The following PRDM2 variants were observed in gnomAD, a reference collection of about 807,000 sequenced individuals.
The protein encoded by PRDM2 is PR domain zinc finger protein 2.
In PRDM2, 30 loss-of-function variants were observed where a neutral mutation model predicts 130.0. That is an observed-to-expected ratio of 0.23 (90% CI 0.17 to 0.31). The LOEUF is 0.31. Among genes scored for constraint, PRDM2 ranks in the 10% least tolerant of loss-of-function variants. The pLI is 1.00. For missense variants in PRDM2, 2,011 were observed against 2,108.4 expected (o/e 0.95, Z 0.90); for synonymous variants, 871 against 782.4 (o/e 1.11, Z -1.89).
At chr1:13,762,468 G>T (rs980500172) in intron 6 of PRDM2, among the ~76,000 whole-genome samples, 6 of 152,212 alleles carry the variant, frequency 3.9e-5, no homozygotes, top group African/African-American at 1.2e-4. Flanking sequence ...ACAGGAACCT[G>T]CTGGGAGCAG....
intron 8 of PRDM2, among the ~76,000 whole-genome samples, chr1:13,814,777 G>T (rs1431904426): frequency 6.6e-6 from 1 of 152,232 alleles, no homozygotes; most frequent in African/African-American, 2.4e-5. Flanking sequence ...CCCGCAGGCA[G>T]AGCTGGCTCT....
At chr1:13,814,976 G>C (rs1207414355) in intron 8 of PRDM2, among the ~76,000 whole-genome samples, 1 of 152,192 alleles carries the variant, frequency 6.6e-6, no homozygotes, top group Admixed American at 6.5e-5. Context: ...GTAAATTAGG[G>C]ATAATAACAG....
At chr1:13,765,942 T>C (rs1644216650) in intron 6 of PRDM2, among the ~76,000 whole-genome samples, 1 of 152,216 alleles carries the variant, frequency 6.6e-6, no homozygotes, top group South Asian at 2.1e-4. Flanking sequence ...AACTCTAACT[T>C]TACTCCAAAC....
At chr1:13,811,900 G>A (rs1645178746) in intron 8 of PRDM2, among the ~76,000 whole-genome samples, 1 of 152,248 alleles carries the variant, frequency 6.6e-6, no homozygotes, top group South Asian at 2.1e-4. Flanking sequence ...GTGGGCAGAG[G>A]AGGGCAGGGC....
intron 6 of PRDM2, among the ~76,000 whole-genome samples, chr1:13,753,952 G>A (rs1193442034): frequency 6.6e-6 from 1 of 152,182 alleles, no homozygotes; most frequent in African/African-American, 2.4e-5. Flanking sequence ...TGTTCACATG[G>A]AATCACATTC....
intron 6 of PRDM2, among the ~76,000 whole-genome samples, chr1:13,769,882 C>T (rs1258978381): frequency 8.5e-5 from 13 of 152,056 alleles, no homozygotes; most frequent in Non-Finnish European, 8.8e-5. Flanking sequence ...AATCTTCTCC[C>T]CAGGGGACAT....
At chr1:13,802,316 C>G (rs1401064777) in intron 8 of PRDM2, among the ~76,000 whole-genome samples, 2 of 152,216 alleles carry the variant, frequency 1.3e-5, no homozygotes, top group Non-Finnish European at 2.9e-5. Context: ...CCTCCCAAGA[C>G]AAGCTGGTTT....
At chr1:13,750,483 C>T (rs981449964) in intron 6 of PRDM2, among the ~76,000 whole-genome samples, 8 of 151,592 alleles carry the variant, frequency 5.3e-5, no homozygotes, top group African/African-American at 1.9e-4. Context: ...CAGAACATTG[C>T]AAAGTGAGTT....
intron 2 of PRDM2, among the ~76,000 whole-genome samples, chr1:13,725,987 C>A (rs929131224): frequency 6.6e-6 from 1 of 152,148 alleles, no homozygotes; most frequent in African/African-American, 2.4e-5. Context: ...GAATCCAGAC[C>A]CTGAAGCGAG....
chr1:13,814,779 G>C (rs1645230927), intron 8 of PRDM2, among the ~76,000 whole-genome samples: 1 of 152,212 alleles, frequency 6.6e-6, no homozygotes, highest in Non-Finnish European at 1.5e-5. Flanking sequence ...CGCAGGCAGA[G>C]CTGGCTCTGC....
At position 13,806,156 on chromosome 1, in the gene PRDM2, CCTT is replaced by C. The variant is rs529188579; in HGVS notation, c.5037-10268_5037-10266del. 2.0e-4 allele frequency among the ~76,000 whole-genome samples: 31 copies of C among 152,122 alleles called. No individual in the cohort carries two copies. The East Asian group carries it at 6.0e-3, about 30-fold the overall frequency. ...ATCTGCGGCAGTGGACGCTGTTAAT[CCTT>C]CTCTTCCTTGAAATACTCTCCACCT... On this transcript the variant is annotated intron_variant, in intron 8 of 9. Transcript: ENST00000311066. This position sits in a 1 kb window ranked among gnomAD's most constrained non-coding sequence, Gnocchi z 4.1.
chr1:13,780,654 A>G lies in PRDM2; in HGVS notation c.2859A>G (p.Thr953=). The G allele has an allele frequency of 6.2e-7, 1 of 1,611,706 alleles. No homozygotes were observed. The highest frequency in any genetic ancestry group is 8.5e-7 in the Non-Finnish European group (1 of 1,178,860). ...DVCPSSPALQ[T]PSLSSGQLPP... ...GTCCTTCATCACCTGCCCTGCAGAC[A>G]CCCTCCCTTTCATCCGGTCAGCTGC... is the stretch of plus-strand genomic sequence containing the variant. Residue 953 remains threonine, a synonymous_variant, in exon 8 of 10, where the codon ACA becomes ACG. Coordinates refer to ENST00000311066, the MANE Select transcript of PRDM2 (RefSeq NM_001393986.1).
At chr1:13,765,905 A>G (rs527576409) in intron 6 of PRDM2, among the ~76,000 whole-genome samples, 1 of 152,178 alleles carries the variant, frequency 6.6e-6, no homozygotes, top group Non-Finnish European at 1.5e-5. Context: ...TTCTCCTCCC[A>G]GTTAAGCCTT....
chr1:13,729,713 C>G (rs1182479480), intron 2 of PRDM2, among the ~76,000 whole-genome samples: 1 of 152,004 alleles, frequency 6.6e-6, no homozygotes, highest in Non-Finnish European at 1.5e-5. Flanking sequence ...ATTGTTGGGA[C>G]AAAGGTGTAA....
At chr1:13,701,472 CATG>C (rs1642072141) in intron 1 of PRDM2, among the ~76,000 whole-genome samples, 3 of 150,224 alleles carry the variant, frequency 2.0e-5, no homozygotes, top group Non-Finnish European at 4.4e-5. Context: ...TAAAAAAAAA[CATG>C]ATAGGAAATT....
At chr1:13,715,001 C>T (rs1277537929) in intron 1 of PRDM2, among the ~76,000 whole-genome samples, 1 of 152,204 alleles carries the variant, frequency 6.6e-6, no homozygotes, top group Non-Finnish European at 1.5e-5. Context: ...GACAATGTAG[C>T]TGTTTCCCAA....
chr1:13,713,328 T>G (rs943434458), intron 1 of PRDM2, among the ~76,000 whole-genome samples: 3 of 151,840 alleles, frequency 2.0e-5, no homozygotes, highest in African/African-American at 7.3e-5. Context: ...GAGGCAGGAG[T>G]AAAAAATTGG....
rs2100736943 is a variant in PRDM2 at position 13,803,415 on chromosome 1, G to T, written c.5037-13012G>T. ...CTCTCCTGGTGCTCCCAGTCCAGTG[G>T]GGGAGCCAGGTGGGTAGAGCCAGTT... On this transcript the variant is annotated intron_variant, in intron 8 of 9. Coordinates refer to ENST00000311066, the MANE Select transcript of PRDM2 (RefSeq NM_001393986.1). This position sits in a 1 kb window ranked among gnomAD's most constrained non-coding sequence, Gnocchi z 6.2. Among the ~76,000 whole-genome samples the T allele has an allele frequency of 6.6e-6, 1 of 152,254 alleles. No individual in the cohort carries two copies. The highest frequency in any genetic ancestry group is 2.4e-5 in the African/African-American group (1 of 41,540).
intron 9 of PRDM2, among the ~76,000 whole-genome samples, chr1:13,820,263 C>T (rs764471565): frequency 5.9e-5 from 9 of 152,172 alleles, no homozygotes; most frequent in East Asian, 1.9e-4. Context: ...TTGCCCATTC[C>T]GGATTCAAGG....
Sources: gnomAD v4.1 joint callset for allele counts (sites outside exome capture counted in the v4.1 genomes callset) on GRCh38, gnomAD v4.1.1 for gene constraint, Gnocchi (gnomAD v3.1) non-coding constraint, MANE v1.5 for transcripts, NCBI Gene and HGNC (gene_info 2026-07-23, HGNC 2026-07-21) for gene names.